FER: variants seen among roughly 807,000 people sequenced by gnomAD.
FER encodes tyrosine-protein kinase Fer.
In FER, 63 loss-of-function variants were observed where a neutral mutation model predicts 111.0. The ratio of observed to expected loss-of-function variants is 0.57; its 90% CI spans 0.46 to 0.70. The LOEUF (loss-of-function observed/expected upper bound fraction) is 0.70. Ranked by LOEUF, FER falls within the 30% of genes least tolerant of loss-of-function variation. FER has a pLI of 0.00. For synonymous variants in FER, 327 were observed against 313.9 expected, an observed-to-expected ratio of 1.04 and a Z score of -0.44; for missense variants, 914 against 954.0, an observed-to-expected ratio of 0.96 and a Z score of 0.55.
At chr5:108,832,650 T>G in intron 3 of FER, 120 bp from the exon 4 acceptor site, 1 of 581,404 alleles carries the variant, frequency 1.7e-6, no homozygotes, top group Non-Finnish European at 2.4e-6. Context: ...CAGAAACCTA[T>G]TTTTTATATT....
chr5:109,030,459 T>A (rs572931375), intron 13 of FER, among the ~76,000 whole-genome samples: 33 of 152,292 alleles, frequency 2.2e-4, no homozygotes, highest in African/African-American at 7.7e-4. Flanking sequence ...GGTAGTTACC[T>A]TGTTTAGGTT....
chr5:108,841,733 AC>A, intron 5 of FER: 1 of 269,150 alleles, frequency 3.7e-6, no homozygotes, highest in Non-Finnish European at 7.3e-6. Context: ...TCTGTTTTGT[AC>A]CATCAGGTGA....
At chr5:109,122,188 T>C (rs968224264) in intron 17 of FER, among the ~76,000 whole-genome samples, 9 of 152,248 alleles carry the variant, frequency 5.9e-5, no homozygotes, top group Admixed American at 5.2e-4. Flanking sequence ...TTTTCCACTT[T>C]GTTGATATAG....
intron 13 of FER, among the ~76,000 whole-genome samples, chr5:108,994,374 C>A (rs1374435520): frequency 6.6e-6 from 1 of 152,140 alleles, no homozygotes; most frequent in Non-Finnish European, 1.5e-5. Context: ...GGAATCTTTT[C>A]CCCATTGCTT....
intron 2 of FER, among the ~76,000 whole-genome samples, chr5:108,782,457 A>G (rs1026342609): frequency 6.6e-5 from 10 of 151,776 alleles, no homozygotes; most frequent in Non-Finnish European, 1.5e-4. Context: ...TGAGCAAAAT[A>G]TTTTACTTTT....
rs192573450 is a variant in FER at position 108,788,355 on chromosome 5, C to G, written c.-59-9769C>G. ...TCACACACCCCTTGCTGCTCCACTC[C>G]TGGCTCACCCTTGGCATGTGTGGGA... is the stretch of plus-strand genomic sequence containing the variant. On this transcript the variant is annotated intron_variant, in intron 2 of 19. Transcript: ENST00000281092. Among the ~76,000 whole-genome samples, 125 of 152,250 alleles carry G rather than the reference C, an allele frequency of 8.2e-4. 2 individuals carry two copies. Among genetic ancestry groups the G allele is most frequent in the African/African-American group, 2.8e-3 (117 of 41,542 alleles).
intron 8 of FER, among the ~76,000 whole-genome samples, chr5:108,881,462 T>C (rs1312040578): frequency 6.6e-6 from 1 of 152,170 alleles, no homozygotes; most frequent in Non-Finnish European, 1.5e-5. Context: ...TACCTCCCAC[T>C]GGGTCCCTCT....
intron 16 of FER, among the ~76,000 whole-genome samples, chr5:109,068,983 C>G (rs1217613756): frequency 6.6e-6 from 1 of 152,220 alleles, no homozygotes; most frequent in South Asian, 2.1e-4. Flanking sequence ...TGGCTTAGTC[C>G]AAATGTTAAC....
intron 3 of FER, among the ~76,000 whole-genome samples, chr5:108,828,276 A>G (rs1759682431): frequency 6.6e-6 from 1 of 152,242 alleles, no homozygotes; most frequent in Non-Finnish European, 1.5e-5. Context: ...TTCAGGAGGT[A>G]TAAATAGGCT....
At chr5:109,088,768 A>T (rs1777840104) in intron 16 of FER, among the ~76,000 whole-genome samples, 1 of 152,156 alleles carries the variant, frequency 6.6e-6, no homozygotes, top group East Asian at 1.9e-4. Context: ...CCTACTAGGT[A>T]GTACCCTATC....
Position 108,872,134 on chromosome 5 carries a change from C to G in FER, c.845C>G (p.Ser282Cys). 6.2e-7 allele frequency: 1 copy of G among 1,611,336 alleles called. No homozygotes were observed. Among genetic ancestry groups the G allele is most frequent in the Non-Finnish European group, 8.5e-7 (1 of 1,178,684 alleles). The part of the protein sequence containing the change: ...AKEQEIEFDT[S>C]LLEENENLQA... ...GAACAAGAAATAGAGTTTGATACTT[C>G]CTTACTGGAAGAAAATGAAAATCTT... Residue 282 changes from serine to cysteine, a missense_variant, in exon 8 of 20, where the codon TCC (serine) becomes TGC (cysteine). Ser to Cys is a moderately radical substitution (Grantham distance 112). Transcript: ENST00000281092.
intron 17 of FER, among the ~76,000 whole-genome samples, chr5:109,141,071 A>C (rs1753472774): frequency 6.6e-6 from 1 of 152,196 alleles, no homozygotes. Flanking sequence ...ATAAGACTTA[A>C]TGGAGGCCTA....
At chr5:108,852,127 C>G (rs1375770895) in intron 5 of FER, among the ~76,000 whole-genome samples, 1 of 152,196 alleles carries the variant, frequency 6.6e-6, no homozygotes, top group Non-Finnish European at 1.5e-5. Flanking sequence ...CCTAAGCAGA[C>G]AGAGTAAGAG....
intron 16 of FER, among the ~76,000 whole-genome samples, chr5:109,071,393 T>C (rs1775745257): frequency 6.6e-6 from 1 of 152,034 alleles, no homozygotes; most frequent in Non-Finnish European, 1.5e-5. Flanking sequence ...AAAATGCCCT[T>C]CTCATTATAT....
At chr5:108,852,410 T>G (rs1335579589) in intron 5 of FER, among the ~76,000 whole-genome samples, 2 of 152,284 alleles carry the variant, frequency 1.3e-5, no homozygotes, top group African/African-American at 4.8e-5. Flanking sequence ...GGATACGACT[T>G]TTTAAAAGCT....
At chr5:108,795,556 T>A (rs930329807) in intron 2 of FER, among the ~76,000 whole-genome samples, 2 of 152,014 alleles carry the variant, frequency 1.3e-5, no homozygotes, top group African/African-American at 4.8e-5. Flanking sequence ...TTCTTTTTTT[T>A]AATTGTTGTT....
chr5:108,991,568 T>G (rs1763181023), intron 13 of FER, among the ~76,000 whole-genome samples: 1 of 152,178 alleles, frequency 6.6e-6, no homozygotes, highest in Admixed American at 6.5e-5. Flanking sequence ...TCCAGGATTG[T>G]CATTTATATC....
At chr5:108,835,595 A>C (rs188055341) in intron 4 of FER, 113 bp from the exon 5 acceptor site, 3 of 596,814 alleles carry the variant, frequency 5.0e-6, no homozygotes, top group Admixed American at 7.3e-5. Context: ...TTAAAGGACA[A>C]CTCTGACCTG....
chr5:109,050,350 CA>C (rs1258625407), intron 16 of FER, among the ~76,000 whole-genome samples: 2 of 152,106 alleles, frequency 1.3e-5, no homozygotes, highest in Non-Finnish European at 2.9e-5. Flanking sequence ...GCCCACACCA[CA>C]AAAATCCATG....
Sources: gnomAD v4.1 joint callset for allele counts (sites outside exome capture counted in the v4.1 genomes callset) on GRCh38, gnomAD v4.1.1 for gene constraint, MANE v1.5 for transcripts, NCBI Gene and HGNC (gene_info 2026-07-23, HGNC 2026-07-21) for gene names.